DDX59: variants seen among roughly 807,000 people sequenced by gnomAD.
DDX59 encodes DEAD-box helicase 59.
In DDX59, 30 loss-of-function variants were observed where a neutral mutation model predicts 51.9. The observed-to-expected ratio is 0.58, with a 90% CI of 0.43 to 0.78. DDX59 has a LOEUF of 0.78. Ranked by LOEUF, DDX59 falls within the 30% of genes least tolerant of loss-of-function variation. The probability of loss-of-function intolerance (pLI) is 0.00; values close to 1 mark genes in which losing one functional copy is unlikely to be tolerated. For synonymous variants in DDX59, 255 were observed against 253.3 expected (o/e 1.01, Z -0.06); for missense variants, 672 against 730.8 (o/e 0.92, Z 0.93).
intron 4 of DDX59, among the ~76,000 whole-genome samples, chr1:200,653,536 CTAAAATA>C (rs754345751): frequency 9.9e-5 from 15 of 152,200 alleles, no homozygotes; most frequent in Non-Finnish European, 1.8e-4. Context: ...ATAGATTCTT[CTAAAATA>C]TAAATCAGAT....
intron 4 of DDX59, among the ~76,000 whole-genome samples, chr1:200,657,319 C>T (rs905251726): frequency 6.6e-6 from 1 of 150,876 alleles, no homozygotes; most frequent in Non-Finnish European, 1.5e-5. Flanking sequence ...GAACATGGGG[C>T]TTATCAACAA....
intron 2 of DDX59, among the ~76,000 whole-genome samples, chr1:200,665,007 CCATACTT>C (rs1478938689): frequency 6.6e-6 from 1 of 152,170 alleles, no homozygotes; most frequent in Admixed American, 6.5e-5. Context: ...TCCCTTCCTG[CCATACTT>C]CATACTTCAC....
chr1:200,668,302 C>T (rs943947344), intron 1 of DDX59, among the ~76,000 whole-genome samples: 4 of 132,444 alleles, frequency 3.0e-5, no homozygotes, highest in African/African-American at 8.8e-5. Context: ...AGCAAGACTC[C>T]GTCTCAAAAA....
chr1:200,663,928 T>C lies in DDX59; in HGVS notation c.963A>G (p.Gln321=), dbSNP rs767122459. The change falls in exon 3 of 8, where the codon CAA becomes CAG. Residue 321 remains glutamine, a synonymous_variant. Transcript: ENST00000331314. Reference sequence around the variant, plus strand: ...TCAAATCAGTGCTTACCTTAACATGTTGTTGCAGACGATAAAGCTGTGGGG... The same window carrying C: ...TCAAATCAGTGCTTACCTTAACATGCTGTTGCAGACGATAAAGCTGTGGGG... ...PLPPQLYRLQ[Q]HVKVIIATPG... 129 of 1,610,282 alleles carry C rather than the reference T, an allele frequency of 8.0e-5. 1 individual carries two copies. The South Asian group carries it at 1.3e-3, about 16-fold the overall frequency.
At chr1:200,657,830 C>A (rs1245236913) in intron 4 of DDX59, among the ~76,000 whole-genome samples, 1 of 151,590 alleles carries the variant, frequency 6.6e-6, no homozygotes, top group Admixed American at 6.6e-5. Context: ...GGCAGGAGAA[C>A]CACTTGAACG....
downstream of DDX59, among the ~76,000 whole-genome samples, chr1:200,642,909 TAAG>T (rs1402384104): frequency 6.6e-6 from 1 of 152,150 alleles, no homozygotes; most frequent in Non-Finnish European, 1.5e-5. Flanking sequence ...ACATGTGGTT[TAAG>T]AAGGTCAACA....
intron 2 of DDX59, among the ~76,000 whole-genome samples, chr1:200,664,709 CTT>C (rs1662603706): frequency 6.6e-6 from 1 of 150,956 alleles, no homozygotes; most frequent in East Asian, 1.9e-4. Context: ...GAATTTCACT[CTT>C]ATTGCCCAGG....
chr1:200,645,536 CA>C (rs1336321133), intron 7 of DDX59, among the ~76,000 whole-genome samples: 1 of 152,138 alleles, frequency 6.6e-6, no homozygotes, highest in Non-Finnish European at 1.5e-5. Context: ...CTCAGCCTCC[CA>C]AAGTGCTAGG....
intron 5 of DDX59, 63 bp downstream of exon 5, chr1:200,650,362 C>T: frequency 2.6e-6 from 4 of 1,515,706 alleles, no homozygotes; most frequent in Non-Finnish European, 2.7e-6. Flanking sequence ...AAATCATTCT[C>T]TTAAGAGCTG....
At chr1:200,664,930 C>T (rs1467093771) in intron 2 of DDX59, among the ~76,000 whole-genome samples, 1 of 152,226 alleles carries the variant, frequency 6.6e-6, no homozygotes, top group Non-Finnish European at 1.5e-5. Context: ...CCACCTCGCC[C>T]TCCCAAAGTG....
intron 3 of DDX59, among the ~76,000 whole-genome samples, chr1:200,659,480 G>C (rs1662243262): frequency 6.6e-6 from 1 of 152,120 alleles, no homozygotes; most frequent in South Asian, 2.1e-4. Context: ...GTTTCTAAAT[G>C]GTAAGGAATG....
chr1:200,655,677 C>A (rs1485563820), intron 4 of DDX59, among the ~76,000 whole-genome samples: 1 of 152,180 alleles, frequency 6.6e-6, no homozygotes, highest in Non-Finnish European at 1.5e-5. Context: ...AGAACTGATA[C>A]ATCCTCTAGT....
chr1:200,657,633 C>T (rs991014164), intron 4 of DDX59, among the ~76,000 whole-genome samples: 2 of 151,884 alleles, frequency 1.3e-5, no homozygotes, highest in African/African-American at 4.8e-5. Context: ...CCTGTAGTCC[C>T]AGCTACTCGG....
chr1:200,650,709 T>C, intron 4 of DDX59, 33 bp from the exon 5 acceptor site: 1 of 1,545,456 alleles, frequency 6.5e-7, no homozygotes, highest in Non-Finnish European at 8.8e-7. Context: ...TTAGTCTTGT[T>C]TGACATTAAA....
rs1222382638 is a variant in DDX59, at chr1:200,644,519, T to G, written c.1597-2A>C. On this transcript the variant is annotated splice_acceptor_variant, in intron 7 of 7. Transcript: ENST00000331314. LOFTEE classifies it high-confidence loss of function. ...ACCTAATCTTCCTACTCTTCCAATC[T>G]GAAATAAAATGCAAAGAACATTTTC... 1 of 1,555,818 alleles carries G rather than the reference T, an allele frequency of 6.4e-7. No individual in the cohort carries two copies. The highest frequency in any genetic ancestry group is 8.7e-7 in the Non-Finnish European group (1 of 1,153,826).
At chr1:200,659,660 C>T (rs962018595) in intron 3 of DDX59, among the ~76,000 whole-genome samples, 19 of 152,244 alleles carry the variant, frequency 1.2e-4, no homozygotes, top group Admixed American at 8.5e-4. Context: ...TTGCTTAAGG[C>T]TCTTAATAAT....
intron 1 of DDX59, among the ~76,000 whole-genome samples, chr1:200,667,733 T>G (rs7544724): frequency 0.12 from 18,035 of 152,134 alleles, 1,565 homozygotes; most frequent in East Asian, 0.41. Flanking sequence ...TAAGTAACAC[T>G]TAGTGTTTAT....
intron 3 of DDX59, among the ~76,000 whole-genome samples, chr1:200,661,953 T>C (rs1021682018): frequency 6.6e-6 from 1 of 152,136 alleles, no homozygotes; most frequent in East Asian, 1.9e-4. Context: ...TGATAGTTCT[T>C]GTGAGATCTA....
chr1:200,644,440 C>T lies in DDX59; in HGVS notation c.1674G>A (p.Trp558Ter). The T allele has an allele frequency of 6.2e-7, 1 of 1,612,456 alleles. No homozygotes were observed. Among genetic ancestry groups the T allele is most frequent in the Non-Finnish European group, 8.5e-7 (1 of 1,179,374 alleles). Reference protein sequence around the residue: ...FINNNSKRLFWDIAKRVKPTG... With the variant: ...FINNNSKRLF Reference sequence around the variant, plus strand: ...TGGGCTTTACTCGTTTTGCAATATCCCAGAAGAGTCTTTTTGAATTATTAT... The same window carrying T: ...TGGGCTTTACTCGTTTTGCAATATCTCAGAAGAGTCTTTTTGAATTATTAT... The change falls in exon 8 of 8, where the codon TGG (tryptophan) becomes TGA (stop). Residue 558 changes from tryptophan (W) to a stop codon, truncating the protein, a stop_gained. Transcript: ENST00000331314. LOFTEE classifies it high-confidence loss of function.
Sources: gnomAD v4.1 joint callset for allele counts (sites outside exome capture counted in the v4.1 genomes callset) on GRCh38, gnomAD v4.1.1 for gene constraint, MANE v1.5 for transcripts, NCBI Gene and HGNC (gene_info 2026-07-23, HGNC 2026-07-21) for gene names.